The following DIXDC1 variants were observed in gnomAD, a reference collection of about 807,000 sequenced individuals.
The protein encoded by DIXDC1 is dixin.
In DIXDC1, 64 loss-of-function variants were observed where a neutral mutation model predicts 103.1. That is an observed-to-expected ratio of 0.62 (90% CI 0.51 to 0.76). The LOEUF (loss-of-function observed/expected upper bound fraction) is 0.76, where lower values mean the gene tolerates loss of function less well. Among genes scored for constraint, DIXDC1 ranks in the 30% least tolerant of loss-of-function variants. The pLI is 0.00. For synonymous variants in DIXDC1, 266 were observed against 298.5 expected, an observed-to-expected ratio of 0.89 and a Z score of 1.12; for missense variants, 759 against 834.2, an observed-to-expected ratio of 0.91 and a Z score of 1.11.
intron 10 of DIXDC1, 92 bp downstream of exon 10, chr11:111,989,147 C>T (rs1388005989): frequency 3.0e-6 from 3 of 984,668 alleles, no homozygotes; most frequent in African/African-American, 3.3e-5. Flanking sequence ...TTTCTGTGGA[C>T]CTTTAATAGC....
rs587608813 is a variant in DIXDC1 at position 111,998,433 on chromosome 11, G to A, written c.1756+2287G>A. On this transcript the variant is annotated intron_variant, in intron 17 of 19. Coordinates refer to ENST00000440460, the MANE Select transcript of DIXDC1 (RefSeq NM_001037954.4). The surrounding 1 kb of genome is among the most constrained non-coding windows in gnomAD (Gnocchi z 4.1). ...TAAGCCTTTTCATATTGTCTTTGGC[G>A]TCAGGTGACCTCTTCCACTCCCCTG... is the stretch of plus-strand genomic sequence containing the variant. Among the ~76,000 whole-genome samples, 66 of 152,218 alleles carry A rather than the reference G, an allele frequency of 4.3e-4. No homozygotes were observed. Among genetic ancestry groups the A allele is most frequent in the African/African-American group, 1.3e-3 (54 of 41,532 alleles).
intron 1 of DIXDC1, among the ~76,000 whole-genome samples, chr11:111,946,155 C>T (rs1966588149): frequency 6.7e-6 from 1 of 150,372 alleles, no homozygotes; most frequent in Admixed American, 6.6e-5. Flanking sequence ...TTCGCCTAGG[C>T]CGGACTGCAG....
At chr11:111,943,487 CTTTTTTTTTTTT>C (rs1161024928) in intron 1 of DIXDC1, among the ~76,000 whole-genome samples, 5 of 113,432 alleles carry the variant, frequency 4.4e-5, no homozygotes, top group African/African-American at 1.4e-4. Context: ...TTCTTTCTCT[CTTTTTTTTTTTT>C]TTTTTTTTTT....
intron 3 of DIXDC1, among the ~76,000 whole-genome samples, chr11:111,970,838 G>C (rs1180617003): frequency 6.6e-6 from 1 of 152,056 alleles, no homozygotes; most frequent in Admixed American, 6.6e-5. Flanking sequence ...ACAACCATGT[G>C]ATCTTTGACA....
At chr11:111,930,849 C>CTTTT (rs782075106) in intron 2 of DIXDC1, among the ~76,000 whole-genome samples, 5 of 116,862 alleles carry the variant, frequency 4.3e-5, no homozygotes, top group African/African-American at 7.5e-5. Flanking sequence ...TCTTTCTTTC[C>CTTTT]TTTTTTTTTT....
Position 111,993,693 on chromosome 11 carries a change from C to T in DIXDC1, c.1390C>T (p.His464Tyr). The T allele has an allele frequency of 6.2e-7, 1 of 1,614,048 alleles. No homozygotes were observed. The highest frequency in any genetic ancestry group is 1.1e-5 in the South Asian group (1 of 91,080). ...HQVDLERELE[H>Y]KDVLLAHCMK... ...GGTGGATCTAGAGCGAGAGCTAGAA[C>T]ACAAAGATGTCCTCTTGGCTCACTG... Residue 464 changes from histidine (H) to tyrosine (Y), a missense_variant, in exon 14 of 20, where the codon CAC becomes TAC. His to Tyr is a moderately conservative substitution (Grantham distance 83). Coordinates refer to ENST00000440460, the MANE Select transcript of DIXDC1 (RefSeq NM_001037954.4).
chr11:112,007,546 G>A (rs1300255728), intron 17 of DIXDC1, among the ~76,000 whole-genome samples: 2 of 152,150 alleles, frequency 1.3e-5, no homozygotes, highest in East Asian at 3.8e-4. Flanking sequence ...AATGTTAAGG[G>A]CAGCCAGAGA....
At chr11:111,931,643 A>G (rs1344793292) in intron 2 of DIXDC1, among the ~76,000 whole-genome samples, 2 of 152,194 alleles carry the variant, frequency 1.3e-5, no homozygotes, top group African/African-American at 2.4e-5. Flanking sequence ...ACTCCATCCC[A>G]AAATAAATAA....
chr11:111,989,792 CTT>C (rs1389169599), intron 10 of DIXDC1, among the ~76,000 whole-genome samples: 7 of 142,964 alleles, frequency 4.9e-5, no homozygotes, highest in Admixed American at 1.4e-4. Context: ...CTAGAGGCAT[CTT>C]TTTTTTTTTT....
chr11:111,974,179 G>T lies in DIXDC1; in HGVS notation c.473G>T (p.Gly158Val). The T allele has an allele frequency of 1.2e-6, 2 of 1,614,006 alleles. No individual in the cohort carries two copies. The highest frequency in any genetic ancestry group is 8.5e-7 in the Non-Finnish European group (1 of 1,179,890). Residue 158 changes from glycine (G) to valine (V), a missense_variant, in exon 4 of 20, where the codon GGA (glycine) becomes GTA (valine). This residue lies in a region of DIXDC1 where 657 missense variants were observed against 727.5 expected (regional missense o/e 0.90). Coordinates refer to ENST00000440460, the MANE Select transcript of DIXDC1 (RefSeq NM_001037954.4). ...RPHCATAVAQ[G>V]AAAALADVCH... ...CACTGTGCCACTGCTGTTGCCCAGG[G>T]AGCAGCTGCTGCTCTGGCCGATGTG... is the stretch of plus-strand genomic sequence containing the variant.
At chr11:112,006,503 G>C (rs1861242532) in intron 17 of DIXDC1, among the ~76,000 whole-genome samples, 1 of 152,264 alleles carries the variant, frequency 6.6e-6, no homozygotes, top group African/African-American at 2.4e-5. Flanking sequence ...CCTGACCCCT[G>C]TGTAGCCTAA....
At chr11:112,008,071 C>T (rs1555176803) in intron 17 of DIXDC1, among the ~76,000 whole-genome samples, 1 of 144,976 alleles carries the variant, frequency 6.9e-6, no homozygotes, top group African/African-American at 2.6e-5. Flanking sequence ...ATATCACGTG[C>T]AGAGACACAC....
chr11:111,996,843 C>G (rs1248094391), intron 17 of DIXDC1, among the ~76,000 whole-genome samples: 7 of 152,116 alleles, frequency 4.6e-5, no homozygotes, highest in African/African-American at 1.7e-4. Flanking sequence ...GAGTAAGACT[C>G]CATCTCAAAA....
intron 1 of DIXDC1, among the ~76,000 whole-genome samples, chr11:111,956,738 C>T (rs1555170607): frequency 6.6e-6 from 1 of 152,170 alleles, no homozygotes; most frequent in East Asian, 1.9e-4. Flanking sequence ...GATCCTCCTG[C>T]CTTGGCCTTC....
chr11:111,983,834 T>C (rs956741469), intron 7 of DIXDC1, among the ~76,000 whole-genome samples: 5 of 152,226 alleles, frequency 3.3e-5, no homozygotes, highest in Non-Finnish European at 7.3e-5. Flanking sequence ...TTTGGTTCCA[T>C]TGTAGAATAC....
intron 3 of DIXDC1, among the ~76,000 whole-genome samples, chr11:111,973,526 C>A (rs1860003492): frequency 6.6e-6 from 1 of 152,188 alleles, no homozygotes; most frequent in Non-Finnish European, 1.5e-5. Context: ...ACTTAGAGCA[C>A]ATTTCATTTC....
In DIXDC1 at chr11:111,991,802, A is replaced by G. The variant is rs117833418; in HGVS notation, c.1114-613A>G. ...TATAATTCTAATCCTGGTCCAGACT[A>G]GGCATTGGAAGCCATTGGAAGCAGG... On this transcript the variant is annotated intron_variant, in intron 10 of 19. Coordinates refer to ENST00000440460, the MANE Select transcript of DIXDC1 (RefSeq NM_001037954.4). Among the ~76,000 whole-genome samples, 1,044 of 152,340 alleles carry G rather than the reference A, an allele frequency of 6.9e-3. 5 individuals are homozygous for G. The highest frequency in any genetic ancestry group is 0.051 in the Middle Eastern group (15 of 294).
At chr11:111,962,768 A>T (rs1859623307) in intron 1 of DIXDC1, among the ~76,000 whole-genome samples, 1 of 152,166 alleles carries the variant, frequency 6.6e-6, no homozygotes. Flanking sequence ...GTTTTATATA[A>T]AAGCCAGGTA....
At chr11:111,930,757 T>C (rs1965982954) in intron 2 of DIXDC1, among the ~76,000 whole-genome samples, 1 of 151,842 alleles carries the variant, frequency 6.6e-6, no homozygotes, top group Non-Finnish European at 1.5e-5. Context: ...CCCAGGACTT[T>C]GGGAGGCTGA....
Sources: allele counts gnomAD v4.1 joint callset (sites outside exome capture counted in the v4.1 genomes callset), GRCh38; gene constraint gnomAD v4.1.1; regional missense constraint gnomAD v4.1.1; non-coding constraint Gnocchi (gnomAD v3.1); transcripts MANE v1.5; gene names NCBI Gene and HGNC (gene_info 2026-07-23, HGNC 2026-07-21).